The following PRADC1 variants were observed in gnomAD, a reference collection of about 807,000 sequenced individuals.
PRADC1 encodes the protein protease associated domain containing 1.
Under a neutral mutation model 22.9 loss-of-function variants are expected in PRADC1, and 23 were observed. The ratio of observed to expected loss-of-function variants is 1.00; its 90% CI spans 0.72 to 1.42. The LOEUF (loss-of-function observed/expected upper bound fraction) is 1.42, where lower values mean the gene tolerates loss of function less well. Ranked by LOEUF, PRADC1 falls within the 40% of genes most tolerant of loss-of-function variation. The pLI is 0.00. For synonymous variants in PRADC1, 71 were observed against 100.3 expected (o/e 0.71, Z 1.75); for missense variants, 207 against 258.3 (o/e 0.80, Z 1.36).
At chr2:73,233,269 G>C (rs1473196448), upstream of PRADC1, 5 of 680,906 alleles carry the variant, frequency 7.3e-6, 2 homozygotes, top group Admixed American at 2.1e-4. Context: ...CCACATACCC[G>C]CTCTCGCCGC....
chr2:73,229,076 A>G, intron 3 of PRADC1, 114 bp from the exon 4 acceptor site: 1 of 873,676 alleles, frequency 1.1e-6, no homozygotes, highest in Non-Finnish European at 1.8e-6. Context: ...ATAAAGGCTC[A>G]TAAGTAAATA....
chr2:73,232,767 A>G (rs1252312276), intron 1 of PRADC1, among the ~76,000 whole-genome samples: 3 of 152,228 alleles, frequency 2.0e-5, no homozygotes, highest in Non-Finnish European at 4.4e-5. Flanking sequence ...GAATGCTCAC[A>G]TACATATCTC....
chr2:73,230,078 T>A lies in PRADC1; in HGVS notation c.168+35A>T, dbSNP rs768748579. The A allele has an allele frequency of 1.1e-5, 15 of 1,419,166 alleles. No homozygotes were observed. In the South Asian group the frequency reaches 1.5e-4, roughly 14 times the overall value. 87.9% of individuals were successfully genotyped at this position (1,419,166 alleles called of 1,614,324 possible). ...AGCTCAGTGAGGGGAAGGGGGAGGT[T>A]GAGGATCAGAGATCAGGGGCCTCCC... On this transcript the variant is annotated intron_variant, in intron 2 of 4. Coordinates refer to ENST00000258083, the MANE Select transcript of PRADC1 (RefSeq NM_032319.3).
At chr2:73,230,906 G>A (rs1199651644) in intron 1 of PRADC1, among the ~76,000 whole-genome samples, 1 of 152,156 alleles carries the variant, frequency 6.6e-6, no homozygotes, top group Non-Finnish European at 1.5e-5. Context: ...TCTGCAGGCT[G>A]TTCCCTGAGC....
intron 1 of PRADC1, among the ~76,000 whole-genome samples, chr2:73,232,616 T>G (rs748576973): frequency 1.3e-5 from 2 of 152,308 alleles, no homozygotes; most frequent in Non-Finnish European, 2.9e-5. Context: ...CTTGCCTTTG[T>G]GTGTGCTTAT....
In PRADC1 at chr2:73,228,636, G is replaced by A. The variant is rs1042088473; in HGVS notation, c.447-62C>T. 2 of 1,609,770 alleles carry A rather than the reference G, an allele frequency of 1.2e-6. No individual in the cohort carries two copies. The highest frequency in any genetic ancestry group is 1.1e-5 in the South Asian group (1 of 90,960). ...TCTTGGTACCCCATCATGCCCCACTGTCCCCATCAATCTGGGAGTTCCAAA... is the reference window on the plus strand; with the variant it reads ...TCTTGGTACCCCATCATGCCCCACTATCCCCATCAATCTGGGAGTTCCAAA... On this transcript the variant is annotated intron_variant, in intron 4 of 4. Coordinates refer to ENST00000258083, the MANE Select transcript of PRADC1 (RefSeq NM_032319.3). This position sits in a 1 kb window ranked among gnomAD's most constrained non-coding sequence, Gnocchi z 4.0.
At chr2:73,229,168 G>A (rs1686580124) in intron 3 of PRADC1, among the ~76,000 whole-genome samples, 1 of 151,946 alleles carries the variant, frequency 6.6e-6, no homozygotes, top group Admixed American at 6.6e-5. Flanking sequence ...TGTTGCCCAG[G>A]CTGGAGTGCA....
chr2:73,232,899 CAG>C (rs1196658028), intron 1 of PRADC1, among the ~76,000 whole-genome samples, 193 bp downstream of exon 1: 4 of 152,176 alleles, frequency 2.6e-5, no homozygotes, highest in African/African-American at 4.8e-5. Context: ...GGTGAGGAGT[CAG>C]AGCTTCAGCC....
Position 73,233,095 on chromosome 2 carries a change from G to T in PRADC1, c.66C>A (p.His22Gln). Residue 22 changes from histidine (H) to glutamine (Q), a missense_variant and splice_region_variant, in exon 1 of 5, where the codon CAC becomes CAA. Transcript: ENST00000258083. The stretch of plus-strand genomic sequence containing the variant: ...GCAGTCCCACCCGTTGCCGCTCACC[G>T]TGGGCCGCGACGCACGCGGGGAGCC... ...VLWLPACVAAHGFRIHDYLYF... is the reference protein window; with the variant it reads ...VLWLPACVAAQGFRIHDYLYF... 6.5e-7 allele frequency: 1 copy of T among 1,541,988 alleles called. No homozygotes were observed. The highest frequency in any genetic ancestry group is 8.7e-7 in the Non-Finnish European group (1 of 1,153,024).
At chr2:73,229,987 G>A (rs1361718667) in intron 2 of PRADC1, 126 bp downstream of exon 2, 1 of 690,780 alleles carries the variant, frequency 1.4e-6, no homozygotes, top group East Asian at 2.7e-5. Flanking sequence ...TGCAGCTCAT[G>A]GAAGGCAGAG....
In PRADC1 at chr2:73,228,836, G is replaced by A; in HGVS notation, c.405C>T (p.Arg135=). 6.2e-7 allele frequency: 1 copy of A among 1,613,166 alleles called. No homozygotes were observed. The highest frequency in any genetic ancestry group is 8.5e-7 in the Non-Finnish European group (1 of 1,179,948). Residue 135 remains arginine (R), a synonymous_variant, in exon 4 of 5, where the codon CGC becomes CGT. Coordinates refer to ENST00000258083, the MANE Select transcript of PRADC1 (RefSeq NM_032319.3). This position sits in a 1 kb window ranked among gnomAD's most constrained non-coding sequence, Gnocchi z 4.0. ...YVEMIQDSTQ[R]TADIPALFLL... is the part of the protein sequence containing the mutation. ...GGAAGAGGGCGGGGATGTCAGCTGT[G>A]CGCTGGGTACTGTCCTGGATCATCT... is the stretch of plus-strand genomic sequence containing the variant.
Position 73,230,098 on chromosome 2 carries a change from C to A in PRADC1, c.168+15G>T. On this transcript the variant is annotated intron_variant, in intron 2 of 4. Coordinates refer to ENST00000258083, the MANE Select transcript of PRADC1 (RefSeq NM_032319.3). ...GAGGTTGAGGATCAGAGATCAGGGG[C>A]CTCCCTTAACTTACAAAGATACCAC... 1 of 1,559,476 alleles carries A rather than the reference C, an allele frequency of 6.4e-7. No homozygotes were observed. Among genetic ancestry groups the A allele is most frequent in the Non-Finnish European group, 8.8e-7 (1 of 1,131,446 alleles).
intron 1 of PRADC1, among the ~76,000 whole-genome samples, chr2:73,230,861 A>C (rs1000766625): frequency 3.3e-5 from 5 of 152,210 alleles, no homozygotes; most frequent in African/African-American, 1.2e-4. Context: ...TTCAAGCTAC[A>C]CTGGCCTTTC....
rs1397606566 is a variant in PRADC1 at position 73,228,417 on chromosome 2, CAG to C, written c.*35_*36del. The C allele has an allele frequency of 1.2e-6, 2 of 1,612,422 alleles. No individual in the cohort carries two copies. Among genetic ancestry groups the C allele is most frequent in the Non-Finnish European group, 1.7e-6 (2 of 1,179,614 alleles). The stretch of plus-strand genomic sequence containing the variant: ...ATTCCTGGGTTTCCCCTTCCCAGCT[CAG>C]AGTCACTTATGGCTGGAATGTGGGA... On this transcript the variant is annotated 3_prime_UTR_variant, in exon 5 of 5. Transcript: ENST00000258083. The surrounding 1 kb of genome is among the most constrained non-coding windows in gnomAD (Gnocchi z 4.0).
intron 1 of PRADC1, among the ~76,000 whole-genome samples, chr2:73,232,458 C>A (rs1686674350): frequency 6.6e-6 from 1 of 152,206 alleles, no homozygotes; most frequent in Admixed American, 6.5e-5. Flanking sequence ...TTGTTTACTG[C>A]CCAAATCACA....
At chr2:73,231,432 T>A (rs34960845) in intron 1 of PRADC1, among the ~76,000 whole-genome samples, 2 of 151,266 alleles carry the variant, frequency 1.3e-5, no homozygotes. Flanking sequence ...TTTTCTTTTT[T>A]TTGAGACAGG....
intron 2 of PRADC1, 136 bp from the exon 3 acceptor site, chr2:73,229,706 A>T (rs1558556200): frequency 4.4e-6 from 3 of 684,470 alleles, no homozygotes; most frequent in East Asian, 2.7e-5. Flanking sequence ...ATCGCCAGAC[A>T]CTTAAACATT....
rs751533659 is a variant in PRADC1 at position 73,228,464 on chromosome 2, G to C, written c.557C>G (p.Thr186Ser). 2 of 1,614,116 alleles carry C rather than the reference G, an allele frequency of 1.2e-6. No homozygotes were observed. The highest frequency in any genetic ancestry group is 1.7e-5 in the Admixed American group (1 of 60,028). ...GTGGGACAAACTCTTCTACCAGAAG[G>C]TCCAGGGCGGTTGCAGCAGCTCAAA... is the stretch of plus-strand genomic sequence containing the variant. ...PTFELLQPPW[T>S]FW Residue 186 changes from threonine (T) to serine (S), a missense_variant, in exon 5 of 5, where the codon ACC (threonine) becomes AGC (serine). Coordinates refer to ENST00000258083, the MANE Select transcript of PRADC1 (RefSeq NM_032319.3). The surrounding 1 kb of genome is among the most constrained non-coding windows in gnomAD (Gnocchi z 4.0).
chr2:73,229,618 C>T lies in PRADC1; in HGVS notation c.169-48G>A, dbSNP rs139646938. On this transcript the variant is annotated intron_variant, in intron 2 of 4. Transcript: ENST00000258083. ...ACAGGTGAGAGTGTAATGAGACACACCTGCTTTAGGACTGGGCTGACAATC... is the reference window on the plus strand; with the variant it reads ...ACAGGTGAGAGTGTAATGAGACACATCTGCTTTAGGACTGGGCTGACAATC... The T allele has an allele frequency of 1.1e-3, 1,577 of 1,433,352 alleles. 1 individual carries two copies. The highest frequency in any genetic ancestry group is 1.3e-3 in the Non-Finnish European group (1,366 of 1,015,486). 88.8% of individuals were successfully genotyped at this position (1,433,352 alleles called of 1,614,324 possible).
Sources: allele counts gnomAD v4.1 joint callset (sites outside exome capture counted in the v4.1 genomes callset), GRCh38; gene constraint gnomAD v4.1.1; non-coding constraint Gnocchi (gnomAD v3.1); transcripts MANE v1.5; gene names NCBI Gene and HGNC (gene_info 2026-07-23, HGNC 2026-07-21).